The following ACP6 variants were observed in gnomAD, a reference collection of about 807,000 sequenced individuals.
ACP6 encodes the protein acid phosphatase 6, lysophosphatidic.
Under a neutral mutation model 48.1 loss-of-function variants are expected in ACP6, and 48 were observed. The observed-to-expected ratio is 1.00, with a 90% CI of 0.79 to 1.27. The LOEUF is 1.27. ACP6 is among the 50% of genes most tolerant of loss of function. The pLI, the probability that ACP6 is intolerant of heterozygous loss-of-function variation, is 0.00. For missense variants in ACP6, 485 were observed against 529.1 expected, an observed-to-expected ratio of 0.92 and a Z score of 0.82; for synonymous variants, 172 against 204.2, an observed-to-expected ratio of 0.84 and a Z score of 1.34.
Position 147,669,092 on chromosome 1 carries a change from AT to A in ACP6, c.219+737del, listed in dbSNP as rs34257966. 3.5e-4 allele frequency among the ~76,000 whole-genome samples: 53 copies of A among 151,336 alleles called. No homozygotes were observed. In the East Asian group the frequency reaches 6.4e-3, roughly 18 times the overall value. ...AAAGTCACATCCAGGAAAGATAATC[AT>A]TTTTTTTTAAACTATTTGTGCTTTA... is the stretch of plus-strand genomic sequence containing the variant. On this transcript the variant is annotated intron_variant, in intron 1 of 9. Coordinates refer to ENST00000583509, the MANE Select transcript of ACP6 (RefSeq NM_016361.5).
chr1:147,647,871 T>A (rs587698564), intron 9 of ACP6: 2 of 490,512 alleles, frequency 4.1e-6, no homozygotes, highest in East Asian at 3.4e-5. Flanking sequence ...CCAGCCCTGA[T>A]GAAGCAGCCA....
At chr1:147,657,418 CTTTT>C (rs1299339121) in intron 4 of ACP6, among the ~76,000 whole-genome samples, 1 of 152,054 alleles carries the variant, frequency 6.6e-6, no homozygotes, top group Admixed American at 6.6e-5. Flanking sequence ...TTCTGGGATT[CTTTT>C]TTTGTTTGTT....
chr1:147,669,829 C>A lies in ACP6; in HGVS notation c.219+1G>T. 6.3e-7 allele frequency: 1 copy of A among 1,581,550 alleles called. No individual in the cohort carries two copies. The highest frequency in any genetic ancestry group is 8.6e-7 in the Non-Finnish European group (1 of 1,161,192). ...AGCCCCAGCCCGGGCCGACCTCTCA[C>A]CTGCTCCTCCAGCGGGAGCGGCTTG... is the stretch of plus-strand genomic sequence containing the variant. On this transcript the variant is annotated splice_donor_variant, in intron 1 of 9. Transcript: ENST00000583509. LOFTEE classifies it high-confidence loss of function.
At chr1:147,668,835 C>T (rs893627617) in intron 1 of ACP6, among the ~76,000 whole-genome samples, 1 of 152,102 alleles carries the variant, frequency 6.6e-6, no homozygotes, top group Non-Finnish European at 1.5e-5. Context: ...GTGCGGCCAA[C>T]CTTGAAAAAT....
chr1:147,645,372 A>T lies in ACP6; in HGVS notation c.*2051T>A, dbSNP rs1183554509. On this transcript the variant is annotated 3_prime_UTR_variant, in exon 10 of 10. Transcript: ENST00000583509. ...CCAAAGTGCTGGGATTACAGGCGTG[A>T]GCCACCGCGCCCGGCCTCAAACTGG... 1 of 152,186 alleles carries T rather than the reference A, an allele frequency of 6.6e-6. No individual in the cohort carries two copies. The highest frequency in any genetic ancestry group is 1.5e-5 in the Non-Finnish European group (1 of 68,072). 9.4% of individuals were successfully genotyped at this position (152,186 alleles called of 1,614,324 possible).
intron 5 of ACP6, among the ~76,000 whole-genome samples, chr1:147,632,194 A>AACACACACACACACACACAC (rs71584653): frequency 1.4e-5 from 2 of 145,930 alleles, no homozygotes; most frequent in African/African-American, 2.6e-5. Context: ...ACCTATGCCC[A>AACACACACACACACACACAC]ACACACACAC....
At chr1:147,639,095 G>A (rs1659382702), downstream of ACP6, among the ~76,000 whole-genome samples, 1 of 152,116 alleles carries the variant, frequency 6.6e-6, no homozygotes, top group Admixed American at 6.6e-5. Context: ...GGGCTCAAGC[G>A]ATCCTCTGAC....
chr1:147,655,918 T>G (rs1660233944), intron 4 of ACP6, among the ~76,000 whole-genome samples: 2 of 152,136 alleles, frequency 1.3e-5, no homozygotes, highest in Non-Finnish European at 2.9e-5. Context: ...CGCCTTCCCA[T>G]GCTTTGCTCT....
At chr1:147,665,229 T>A (rs1254389131) in intron 1 of ACP6, among the ~76,000 whole-genome samples, 3 of 152,168 alleles carry the variant, frequency 2.0e-5, no homozygotes, top group African/African-American at 7.2e-5. Flanking sequence ...GCAGCATACA[T>A]CACAATTGGA....
chr1:147,658,748 G>T (rs587684900), intron 4 of ACP6, among the ~76,000 whole-genome samples: 1 of 152,298 alleles, frequency 6.6e-6, no homozygotes, highest in South Asian at 2.1e-4. Context: ...GATCAGAGCA[G>T]CTGCTACACT....
chr1:147,636,149 T>G (rs1274356374), intron 5 of ACP6, among the ~76,000 whole-genome samples: 3 of 151,972 alleles, frequency 2.0e-5, no homozygotes, highest in South Asian at 2.1e-4. Context: ...CCTAAGCATG[T>G]GGGGGAAAGG....
At chr1:147,658,813 G>T in intron 4 of ACP6, 147 bp downstream of exon 4, 1 of 706,226 alleles carries the variant, frequency 1.4e-6, no homozygotes, top group Non-Finnish European at 2.4e-6. Flanking sequence ...GACAGGGAAA[G>T]ACCCACTGGA....
At chr1:147,649,262 T>C (rs972285783) in intron 8 of ACP6, among the ~76,000 whole-genome samples, 3 of 152,206 alleles carry the variant, frequency 2.0e-5, no homozygotes, top group Non-Finnish European at 2.9e-5. Flanking sequence ...CTTGTTAAAC[T>C]GCAGATGCTG....
chr1:147,652,572 T>C (rs782190531), intron 6 of ACP6, 23 bp from the exon 7 acceptor site: 3 of 1,613,102 alleles, frequency 1.9e-6, no homozygotes, highest in African/African-American at 2.7e-5. Context: ...CATGTAGTTT[T>C]AGAAAAAAAT....
chr1:147,637,229 T>C (rs1659322465), intron 5 of ACP6, among the ~76,000 whole-genome samples: 1 of 152,208 alleles, frequency 6.6e-6, no homozygotes, highest in East Asian at 1.9e-4. Flanking sequence ...CTTCAGATTC[T>C]CATGGTAGGC....
At position 147,654,265 on chromosome 1, in the gene ACP6, C is replaced by T. The variant is rs587742332; in HGVS notation, c.709G>A (p.Asp237Asn). The change falls in exon 6 of 10, where the codon GAC (aspartate) becomes AAC (asparagine). Residue 237 changes from aspartate to asparagine, a missense_variant. Transcript: ENST00000583509. The part of the protein sequence containing the change: ...GISEDLKKVK[D>N]RMGIDSSDKV... ...TCACTACTGTCAATGCCCATCCTGT[C>T]CTTCACCTTTTTCAAATCCTCTGAG... 1 of 1,614,202 alleles carries T rather than the reference C, an allele frequency of 6.2e-7. No individual in the cohort carries two copies. The highest frequency in any genetic ancestry group is 1.3e-5 in the African/African-American group (1 of 75,050).
intron 1 of ACP6, among the ~76,000 whole-genome samples, chr1:147,667,195 A>T (rs1419475120): frequency 7.2e-6 from 1 of 139,356 alleles, no homozygotes; most frequent in Non-Finnish European, 1.5e-5. Context: ...AAGCCATAAG[A>T]AAACAACCCA....
rs1437968871 is a variant in ACP6 at position 147,644,399 on chromosome 1, G to A, written c.*3024C>T. Reference sequence around the variant, plus strand: ...CAGTGAGATGTCATAGGACCGTGAGGGCATTATGACTGGCCCTTAGTTTGA... The same window carrying A: ...CAGTGAGATGTCATAGGACCGTGAGAGCATTATGACTGGCCCTTAGTTTGA... On this transcript the variant is annotated 3_prime_UTR_variant, in exon 10 of 10. Coordinates refer to ENST00000583509, the MANE Select transcript of ACP6 (RefSeq NM_016361.5). The A allele has an allele frequency of 6.6e-5, 10 of 152,210 alleles. No individual in the cohort carries two copies. Among genetic ancestry groups the A allele is most frequent in the Non-Finnish European group, 1.5e-5 (1 of 68,042 alleles). The allele number at this position is 152,210 out of a possible 1,614,324, so 9.4% of individuals were successfully genotyped here. A position where few individuals can be genotyped will look rare whatever the true frequency, so the allele number is the denominator to read the frequency against.
At chr1:147,649,656 A>G (rs587640945) in intron 8 of ACP6, among the ~76,000 whole-genome samples, 2 of 152,190 alleles carry the variant, frequency 1.3e-5, no homozygotes, top group Admixed American at 1.3e-4. Context: ...GTTGGCCAGG[A>G]TGTTTTCAAT....
Sources: allele counts gnomAD v4.1 joint callset (sites outside exome capture counted in the v4.1 genomes callset), GRCh38; gene constraint gnomAD v4.1.1; transcripts MANE v1.5; gene names NCBI Gene and HGNC (gene_info 2026-07-23, HGNC 2026-07-21).